The following GDPD1 variants were observed in gnomAD, a reference collection of about 807,000 sequenced individuals.
GDPD1 encodes the protein glycerophosphodiester phosphodiesterase domain containing 1.
A neutral mutation model predicts 45.1 loss-of-function variants in GDPD1; 28 were observed. The ratio of observed to expected loss-of-function variants is 0.62; its 90% CI spans 0.46 to 0.85. The LOEUF is 0.85. Among genes scored for constraint, GDPD1 ranks in the 40% least tolerant of loss-of-function variants. The pLI, the probability that GDPD1 is intolerant of heterozygous loss-of-function variation, is 0.00. For synonymous variants in GDPD1, 139 were observed against 131.4 expected (o/e 1.06, Z -0.40); for missense variants, 256 against 364.8 (o/e 0.70, Z 2.43).
intron 2 of GDPD1, among the ~76,000 whole-genome samples, chr17:59,235,980 A>G (rs2047129008): frequency 6.6e-6 from 1 of 152,222 alleles, no homozygotes; most frequent in South Asian, 2.1e-4. Flanking sequence ...ATTATACAAC[A>G]TATACACACA....
intron 6 of GDPD1, among the ~76,000 whole-genome samples, chr17:59,265,644 T>G (rs1041803087): frequency 1.3e-5 from 2 of 151,840 alleles, no homozygotes; most frequent in African/African-American, 4.8e-5. Context: ...ACACCTGTAT[T>G]CCCAGCACTT....
chr17:59,273,173 G>T (rs1004942042), intron 9 of GDPD1, among the ~76,000 whole-genome samples: 1 of 150,900 alleles, frequency 6.6e-6, no homozygotes, highest in Admixed American at 6.6e-5. Context: ...TGTCACCCAG[G>T]CTGGAGTGCA....
At position 59,266,243 on chromosome 17, in the gene GDPD1, C is replaced by A. The variant is rs150657173; in HGVS notation, c.577-798C>A. ...CTCTACTAAAACTACAAAAAATTAG[C>A]TGGGCATGGTGGTGTGCGCCTGTAA... On this transcript the variant is annotated intron_variant, in intron 6 of 9. Transcript: ENST00000284116. Among the ~76,000 whole-genome samples the A allele has an allele frequency of 1.8e-4, 27 of 151,958 alleles. No individual in the cohort carries two copies. The East Asian group carries it at 5.2e-3, about 30-fold the overall frequency.
intron 8 of GDPD1, among the ~76,000 whole-genome samples, chr17:59,272,238 TTGTA>T (rs1300120341): frequency 6.6e-6 from 1 of 152,206 alleles, no homozygotes; most frequent in African/African-American, 2.4e-5. Context: ...CTCAAGAGGT[TTGTA>T]TTTTGAAAGT....
chr17:59,244,285 A>AT (rs1486361780), intron 2 of GDPD1, among the ~76,000 whole-genome samples: 3 of 152,166 alleles, frequency 2.0e-5, no homozygotes, highest in Non-Finnish European at 4.4e-5. Flanking sequence ...GAGGGGCCAC[A>AT]TGTGCAGTGT....
At position 59,262,094 on chromosome 17, in the gene GDPD1, G is replaced by T. The variant is rs368039397; in HGVS notation, c.576+4254G>T. On this transcript the variant is annotated intron_variant, in intron 6 of 9. Coordinates refer to ENST00000284116, the MANE Select transcript of GDPD1 (RefSeq NM_182569.4). ...CACTACGCCCGGCTAATTTTTTTTT[G>T]TATTTTTAGTAGAGACGGGGTTTCA... is the stretch of plus-strand genomic sequence containing the variant. 2.3e-4 allele frequency among the ~76,000 whole-genome samples: 34 copies of T among 149,950 alleles called. No homozygotes were observed. The East Asian group carries it at 2.3e-3, about 10-fold the overall frequency.
In GDPD1 at chr17:59,248,685, A is replaced by C. The variant is rs572105753; in HGVS notation, c.322-55A>C. ...TCTTTGTGTCTTAATGTAACACATA[A>C]AAATCTTATTATTTTTTGAGAGTTA... On this transcript the variant is annotated intron_variant, in intron 3 of 9. Transcript: ENST00000284116. 30 of 1,270,704 alleles carry C rather than the reference A, an allele frequency of 2.4e-5. No individual in the cohort carries two copies. In the East Asian group the frequency reaches 6.8e-4, roughly 29 times the overall value. The allele number at this position is 1,270,704 out of a possible 1,614,324, so 78.7% of individuals were successfully genotyped here. A position where few individuals can be genotyped will look rare whatever the true frequency, so the allele number is the denominator to read the frequency against.
intron 7 of GDPD1, among the ~76,000 whole-genome samples, chr17:59,269,355 C>A (rs2047426548): frequency 6.6e-6 from 1 of 151,988 alleles, no homozygotes; most frequent in African/African-American, 2.4e-5. Context: ...TATTTCATGC[C>A]TGTTTTCCAA....
At chr17:59,231,150 A>G in intron 1 of GDPD1, among the ~76,000 whole-genome samples, 1 of 152,044 alleles carries the variant, frequency 6.6e-6, no homozygotes, top group East Asian at 1.9e-4. Context: ...ACTGGATGAC[A>G]ACTGCAAGAT....
intron 2 of GDPD1, among the ~76,000 whole-genome samples, chr17:59,240,792 G>A (rs2047169960): frequency 6.6e-6 from 1 of 152,010 alleles, no homozygotes; most frequent in African/African-American, 2.4e-5. Context: ...TAAATTTCAT[G>A]TTGCCTAAGT....
chr17:59,243,567 T>A (rs114846056), intron 2 of GDPD1, among the ~76,000 whole-genome samples: 1 of 152,104 alleles, frequency 6.6e-6, no homozygotes, highest in Admixed American at 6.6e-5. Flanking sequence ...GGTTGCAGTT[T>A]TATCCTGGAC....
At chr17:59,255,810 TAC>T (rs1456322023) in intron 4 of GDPD1, among the ~76,000 whole-genome samples, 5 of 85,742 alleles carry the variant, frequency 5.8e-5, no homozygotes, top group Non-Finnish European at 1.0e-4. Flanking sequence ...TATATATATA[TAC>T]GCGTATATAT....
rs192588305 is a variant in GDPD1, at chr17:59,274,952, C to T, written c.*1179C>T. ...TGCCTCCCAGGTTCCAGCAATTCTC[C>T]TGCCTCTGCCTCCCGAGTACCTGGG... On this transcript the variant is annotated 3_prime_UTR_variant, in exon 10 of 10. Coordinates refer to ENST00000284116, the MANE Select transcript of GDPD1 (RefSeq NM_182569.4). Among the ~76,000 whole-genome samples the T allele has an allele frequency of 0.015, 2,215 of 151,474 alleles. 64 individuals are homozygous for T. The highest frequency in any genetic ancestry group is 0.05 in the African/African-American group (2,082 of 41,270).
chr17:59,253,061 T>C (rs2047268519), intron 4 of GDPD1, among the ~76,000 whole-genome samples: 1 of 152,174 alleles, frequency 6.6e-6, no homozygotes, highest in East Asian at 1.9e-4. Context: ...GTAACCTTTT[T>C]TTTTCATGGA....
intron 6 of GDPD1, among the ~76,000 whole-genome samples, chr17:59,266,023 T>C (rs769879848): frequency 1.9e-4 from 27 of 144,620 alleles, no homozygotes; most frequent in Non-Finnish European, 3.1e-4. Context: ...CATTTAAAAA[T>C]GATTGACATT....
At chr17:59,251,147 C>T (rs989105127) in intron 4 of GDPD1, among the ~76,000 whole-genome samples, 1 of 152,186 alleles carries the variant, frequency 6.6e-6, no homozygotes, top group African/African-American at 2.4e-5. Context: ...TGAACTAGGT[C>T]TCTATCTTAG....
intron 6 of GDPD1, among the ~76,000 whole-genome samples, chr17:59,263,502 G>A (rs2047374870): frequency 2.2e-3 from 1 of 454 alleles, no homozygotes; most frequent in Non-Finnish European, 7.1e-3. Flanking sequence ...TTTTGAGACG[G>A]AGTTTCACTC....
intron 4 of GDPD1, chr17:59,249,035 G>C (rs1338767916): frequency 3.4e-6 from 1 of 294,774 alleles, no homozygotes; most frequent in Admixed American, 5.1e-5. Context: ...CACTTCTAAA[G>C]CTTCAAATTC....
chr17:59,260,060 CAAAAAAAAAAAAAAAAA>C (rs56936442), intron 6 of GDPD1, among the ~76,000 whole-genome samples: 29 of 25,848 alleles, frequency 1.1e-3, no homozygotes, highest in East Asian at 5.9e-3. Flanking sequence ...GACCCTGTCT[CAAAAAAAAAAAAAAAAA>C]AAAAAAAAAA....
Sources: gnomAD v4.1 joint callset for allele counts (sites outside exome capture counted in the v4.1 genomes callset) on GRCh38, gnomAD v4.1.1 for gene constraint, MANE v1.5 for transcripts, NCBI Gene and HGNC (gene_info 2026-07-23, HGNC 2026-07-21) for gene names.